The following C12orf42 variants were observed in gnomAD, a reference collection of about 807,000 sequenced individuals.
C12orf42 encodes uncharacterized protein C12orf42.
C12orf42 carries 25 observed loss-of-function variants against 21.6 expected under a neutral mutation model. The ratio of observed to expected loss-of-function variants is 1.16; its 90% confidence interval spans 0.84 to 1.62. C12orf42 has a LOEUF of 1.62. Ranked by LOEUF, C12orf42 falls within the 40% of genes most tolerant of loss-of-function variation. The pLI is 0.00. For missense variants in C12orf42, 483 were observed against 459.3 expected (o/e 1.05, Z -0.47); for synonymous variants, 174 against 175.0 (o/e 0.99, Z 0.05).
intron 2 of C12orf42, among the ~76,000 whole-genome samples, chr12:103,434,836 C>T (rs1370241287): frequency 2.0e-5 from 3 of 152,326 alleles, no homozygotes; most frequent in Middle Eastern, 3.4e-3. Flanking sequence ...GGGCGACTGC[C>T]GTTGCCCAGG....
intron 4 of C12orf42, among the ~76,000 whole-genome samples, chr12:103,330,829 T>G (rs745392615): frequency 6.6e-6 from 1 of 152,176 alleles, no homozygotes; most frequent in Non-Finnish European, 1.5e-5. Flanking sequence ...AGAATATGAC[T>G]AATATATCCC....
intron 1 of C12orf42, among the ~76,000 whole-genome samples, chr12:103,479,538 C>T (rs377726401): frequency 7.2e-5 from 11 of 152,068 alleles, no homozygotes; most frequent in African/African-American, 2.4e-4. Context: ...GAAATTCATA[C>T]ATTTCCCCAT....
chr12:103,487,824 C>G (rs888197032), intron 1 of C12orf42, among the ~76,000 whole-genome samples: 2 of 152,148 alleles, frequency 1.3e-5, no homozygotes, highest in African/African-American at 4.8e-5. Flanking sequence ...CTTCCTCCAT[C>G]CCTTTACTTT....
chr12:103,101,669 T>C, the C12orf42 span, among the ~76,000 whole-genome samples: 1 of 152,204 alleles, frequency 6.6e-6, no homozygotes, highest in African/African-American at 2.4e-5. Flanking sequence ...TGCCTCAAAA[T>C]TAATGTCTGT....
At chr12:103,242,869 A>G (rs7959412) in intron 10 of C12orf42, among the ~76,000 whole-genome samples, 2,431 of 152,278 alleles carry the variant, frequency 0.016, 61 homozygotes, top group African/African-American at 0.053. Flanking sequence ...TTCCCAGTGC[A>G]TTGAAAGGAA....
intron 4 of C12orf42, among the ~76,000 whole-genome samples, chr12:103,357,751 T>A (rs2043719259): frequency 1.3e-5 from 2 of 152,106 alleles, no homozygotes; most frequent in African/African-American, 4.8e-5. Flanking sequence ...ATATTTGCTG[T>A]AGCATTCATT....
chr12:103,379,096 CA>C (rs147829966), intron 3 of C12orf42, among the ~76,000 whole-genome samples: 2,087 of 152,134 alleles, frequency 0.014, 69 homozygotes, highest in African/African-American at 0.048. Context: ...ACAAAAATCA[CA>C]ATTCTCAATA....
chr12:103,256,111 TACACAC>T (rs199952822), intron 10 of C12orf42, among the ~76,000 whole-genome samples: 3,187 of 33,820 alleles, frequency 0.094, 131 homozygotes, highest in South Asian at 0.24. Context: ...TATATATATA[TACACAC>T]ACACACACAC....
intron 4 of C12orf42, among the ~76,000 whole-genome samples, chr12:103,294,501 GAAAGAA>G (rs1327993946): frequency 1.5e-5 from 2 of 137,594 alleles, no homozygotes; most frequent in African/African-American, 2.7e-5. Context: ...AAGAAAGAAA[GAAAGAA>G]AAAGAAAGGA....
the C12orf42 span, among the ~76,000 whole-genome samples, chr12:103,515,480 G>A: frequency 6.6e-6 from 1 of 152,194 alleles, no homozygotes; most frequent in Non-Finnish European, 1.5e-5. Flanking sequence ...AAATTCCTTT[G>A]AAAACCCAAC....
At chr12:103,537,517 C>T in the C12orf42 span, among the ~76,000 whole-genome samples, 1 of 152,122 alleles carries the variant, frequency 6.6e-6, no homozygotes, top group South Asian at 2.1e-4. Context: ...AAAACTGCAG[C>T]CATAATCAAA....
chr12:103,555,451 G>A, the C12orf42 span, among the ~76,000 whole-genome samples: 1 of 151,916 alleles, frequency 6.6e-6, no homozygotes, highest in East Asian at 1.9e-4. Context: ...TACAACATGT[G>A]GAAATTCAAG....
the C12orf42 span, among the ~76,000 whole-genome samples, chr12:103,151,120 G>T: frequency 2.0e-5 from 3 of 152,108 alleles, no homozygotes; most frequent in African/African-American, 7.2e-5. Flanking sequence ...TAGAGATGGG[G>T]GTTTCACCAT....
chr12:103,126,864 A>G, the C12orf42 span, among the ~76,000 whole-genome samples: 2 of 152,218 alleles, frequency 1.3e-5, no homozygotes, highest in African/African-American at 4.8e-5. Context: ...TATAAAGGGC[A>G]TGATGAGTGC....
chr12:103,546,593 G>A, the C12orf42 span, among the ~76,000 whole-genome samples: 1 of 152,174 alleles, frequency 6.6e-6, no homozygotes, highest in Admixed American at 6.5e-5. Flanking sequence ...TACAAAAAGG[G>A]TCAGGTGTTT....
chr12:103,281,296 T>C (rs2036099458), intron 4 of C12orf42, among the ~76,000 whole-genome samples: 1 of 152,224 alleles, frequency 6.6e-6, no homozygotes, highest in African/African-American at 2.4e-5. Context: ...TCTTTCTATA[T>C]AAAATGAATA....
chr12:103,253,064 T>A (rs2034387692), intron 10 of C12orf42, among the ~76,000 whole-genome samples: 1 of 152,228 alleles, frequency 6.6e-6, no homozygotes, highest in African/African-American at 2.4e-5. Context: ...AAATAGGGAA[T>A]GCTTTCTCCA....
chr12:103,231,984 G>A, the C12orf42 span, among the ~76,000 whole-genome samples: 1 of 152,150 alleles, frequency 6.6e-6, no homozygotes, highest in African/African-American at 2.4e-5. Context: ...GATGTTGTCA[G>A]TGTTTCAGAT....
chr12:103,204,648 C>T, the C12orf42 span, among the ~76,000 whole-genome samples: 2 of 152,088 alleles, frequency 1.3e-5, no homozygotes, highest in African/African-American at 2.4e-5. Flanking sequence ...CACAAGATAT[C>T]GTCTCATCAC....
Sources: allele counts gnomAD v4.1 joint callset (sites outside exome capture counted in the v4.1 genomes callset), GRCh38; gene constraint gnomAD v4.1.1; transcripts MANE v1.5; gene names NCBI Gene and HGNC (gene_info 2026-07-23, HGNC 2026-07-21).